Variants in LARGE1 observed in about 807,000 individuals in gnomAD.
LARGE1 encodes LARGE xylosyl- and glucuronyltransferase 1.
Under a neutral mutation model 87.6 loss-of-function variants are expected in LARGE1, and 43 were observed. That is an observed-to-expected ratio of 0.49 (90% CI 0.38 to 0.63). LARGE1 has a LOEUF of 0.63. Ranked by LOEUF, LARGE1 falls within the 30% of genes least tolerant of loss-of-function variation. The pLI, the probability that LARGE1 is intolerant of heterozygous loss-of-function variation, is 0.00. For missense variants in LARGE1, 802 were observed against 1,000.2 expected, an observed-to-expected ratio of 0.80 and a Z score of 2.67; for synonymous variants, 434 against 394.6, an observed-to-expected ratio of 1.10 and a Z score of -1.18.
intron 1 of LARGE1, among the ~76,000 whole-genome samples, chr22:33,918,027 G>C (rs1169571104): frequency 6.6e-6 from 1 of 152,140 alleles, no homozygotes; most frequent in African/African-American, 2.4e-5. Context: ...CGACACTACA[G>C]GACGCACCCT....
chr22:33,656,777 GACA>G (rs1485404290), intron 2 of LARGE1, among the ~76,000 whole-genome samples: 2 of 152,172 alleles, frequency 1.3e-5, no homozygotes, highest in Non-Finnish European at 2.9e-5. Flanking sequence ...AAACTAAGCT[GACA>G]ACATCATCCT....
At chr22:33,725,071 G>A (rs2083228407) in intron 2 of LARGE1, 1 of 153,232 alleles carries the variant, frequency 6.5e-6, no homozygotes, top group South Asian at 2.1e-4. Flanking sequence ...CCAGGGCAGT[G>A]CGCACAGTGA....
At chr22:33,848,504 A>G (rs1301054169) in intron 1 of LARGE1, among the ~76,000 whole-genome samples, 1 of 152,012 alleles carries the variant, frequency 6.6e-6, no homozygotes. Context: ...AGCACCCACA[A>G]TAACCTGTCC....
chr22:33,679,777 G>A (rs572508932), intron 2 of LARGE1, among the ~76,000 whole-genome samples: 1 of 152,274 alleles, frequency 6.6e-6, no homozygotes, highest in Non-Finnish European at 1.5e-5. Context: ...GGGAGGCGGA[G>A]GTTGCAGTGA....
At chr22:33,384,092 T>A (rs936149663) in intron 8 of LARGE1, 100 bp downstream of exon 8, 2 of 878,886 alleles carry the variant, frequency 2.3e-6, no homozygotes, top group Admixed American at 1.7e-5. Flanking sequence ...AGTCACACAA[T>A]ACGTAGAAAA....
chr22:33,899,894 A>G (rs2065240322), intron 1 of LARGE1, among the ~76,000 whole-genome samples: 2 of 152,244 alleles, frequency 1.3e-5, no homozygotes, highest in Admixed American at 1.3e-4. Context: ...TGCTGTAAGT[A>G]AATGCAAGTA....
intron 7 of LARGE1, among the ~76,000 whole-genome samples, chr22:33,394,992 C>A (rs2065676152): frequency 6.6e-6 from 1 of 151,788 alleles, no homozygotes; most frequent in Non-Finnish European, 1.5e-5. Flanking sequence ...TTTGGGAGGC[C>A]AAGGCTGGCA....
At chr22:33,144,747 C>T in the LARGE1 span, among the ~76,000 whole-genome samples, 1 of 152,106 alleles carries the variant, frequency 6.6e-6, no homozygotes, top group African/African-American at 2.4e-5. Context: ...AAGTATTCAT[C>T]ATACATCTTT....
At chr22:33,818,747 T>G (rs2086731624) in intron 1 of LARGE1, among the ~76,000 whole-genome samples, 3 of 152,140 alleles carry the variant, frequency 2.0e-5, no homozygotes, top group African/African-American at 7.2e-5. Context: ...TTGCCTGTGA[T>G]TTTTGTTGGT....
the LARGE1 span, among the ~76,000 whole-genome samples, chr22:33,072,475 T>A: frequency 6.6e-6 from 1 of 152,032 alleles, no homozygotes; most frequent in African/African-American, 2.4e-5. Flanking sequence ...AGACAATAGA[T>A]AGTTGTGATT....
chr22:33,340,447 C>G (rs540650132), intron 9 of LARGE1, among the ~76,000 whole-genome samples: 1 of 151,994 alleles, frequency 6.6e-6, no homozygotes, highest in Admixed American at 6.5e-5. Flanking sequence ...CACACACCAT[C>G]AAAAACAGCT....
chr22:33,681,059 A>C (rs1463846032), intron 2 of LARGE1, among the ~76,000 whole-genome samples: 1 of 152,160 alleles, frequency 6.6e-6, no homozygotes, highest in Admixed American at 6.5e-5. Flanking sequence ...ACAGTGTTTT[A>C]ATTGCACTCA....
At chr22:33,784,814 T>C (rs62225438) in intron 1 of LARGE1, among the ~76,000 whole-genome samples, 11,002 of 151,830 alleles carry the variant, frequency 0.072, 515 homozygotes, top group Admixed American at 0.11. Context: ...CATACACATA[T>C]GTATATACAC....
chr22:33,496,847 G>A (rs1255567012), intron 6 of LARGE1, among the ~76,000 whole-genome samples: 1 of 151,982 alleles, frequency 6.6e-6, no homozygotes, highest in Non-Finnish European at 1.5e-5. Flanking sequence ...TTTTTACATG[G>A]GCATCTGTTC....
intron 5 of LARGE1, among the ~76,000 whole-genome samples, chr22:33,571,031 A>C (rs2078186025): frequency 6.6e-6 from 1 of 152,168 alleles, no homozygotes; most frequent in Admixed American, 6.5e-5. Context: ...CAACACGCCA[A>C]AGGGTTCGTG....
chr22:33,507,911 C>T (rs1381026011), intron 6 of LARGE1, among the ~76,000 whole-genome samples: 2 of 152,152 alleles, frequency 1.3e-5, no homozygotes, highest in Non-Finnish European at 2.9e-5. Flanking sequence ...CTTTTAACAG[C>T]AATCACCTTC....
intron 1 of LARGE1, among the ~76,000 whole-genome samples, chr22:33,814,505 A>C (rs1002076487): frequency 2.0e-5 from 3 of 152,298 alleles, no homozygotes; most frequent in Admixed American, 6.5e-5. Flanking sequence ...AGTTGACTTT[A>C]AGTAAAAGAG....
At chr22:33,662,022 G>A (rs1056064409) in intron 2 of LARGE1, among the ~76,000 whole-genome samples, 20 of 118,210 alleles carry the variant, frequency 1.7e-4, no homozygotes, top group Middle Eastern at 8.3e-3. Context: ...ACTGGAAGAA[G>A]AATTGTCTTG....
chr22:33,310,347 A>C (rs1935428437), intron 11 of LARGE1, among the ~76,000 whole-genome samples: 1 of 152,110 alleles, frequency 6.6e-6, no homozygotes, highest in South Asian at 2.1e-4. Flanking sequence ...CACACTAAAG[A>C]ACCAGGCTCT....
Sources: allele counts gnomAD v4.1 joint callset (sites outside exome capture counted in the v4.1 genomes callset), GRCh38; gene constraint gnomAD v4.1.1; transcripts MANE v1.5; gene names NCBI Gene and HGNC (gene_info 2026-07-23, HGNC 2026-07-21).